Variants in MIPEP observed in about 807,000 individuals in gnomAD.
MIPEP encodes the protein mitochondrial intermediate peptidase.
Under a neutral mutation model 90.3 loss-of-function variants are expected in MIPEP, and 79 were observed. The ratio of observed to expected loss-of-function variants is 0.87; its 90% confidence interval spans 0.73 to 1.05. The LOEUF is 1.05. Ranked by LOEUF, MIPEP falls within the 50% of genes least tolerant of loss-of-function variation. MIPEP has a pLI of 0.00. For missense variants in MIPEP, 940 were observed against 905.6 expected, an observed-to-expected ratio of 1.04 and a Z score of -0.49; for synonymous variants, 334 against 315.8, an observed-to-expected ratio of 1.06 and a Z score of -0.61.
At chr13:23,883,183 C>T (rs767838125) in intron 2 of MIPEP, among the ~76,000 whole-genome samples, 2 of 151,670 alleles carry the variant, frequency 1.3e-5, no homozygotes, top group Non-Finnish European at 2.9e-5. Flanking sequence ...TTCTTTTATA[C>T]CCAGAGAACT....
chr13:23,754,942 C>G (rs1202883888), intron 18 of MIPEP, among the ~76,000 whole-genome samples: 1 of 152,238 alleles, frequency 6.6e-6, no homozygotes, highest in Non-Finnish European at 1.5e-5. Context: ...AGAGCTTGGT[C>G]TGCTTGCTGC....
chr13:23,837,715 A>T lies in MIPEP; in HGVS notation c.1380T>A (p.Asp460Glu). ...CTACAACTGGGAGTTGATAGTCTCC[A>T]TCTTCCTTTAGTCTGCCTCCACGGA... ...FTIRGGRLKE[D>E]GDYQLPVVVL... Residue 460 changes from aspartate to glutamate, a missense_variant, in exon 13 of 19, where the codon GAT becomes GAA. Physicochemically the swap from Asp to Glu is conservative, Grantham distance 45. Coordinates refer to ENST00000382172, the MANE Select transcript of MIPEP (RefSeq NM_005932.4). The T allele has an allele frequency of 6.2e-7, 1 of 1,614,126 alleles. No homozygotes were observed. The highest frequency in any genetic ancestry group is 8.5e-7 in the Non-Finnish European group (1 of 1,179,924).
At chr13:23,875,760 A>G (rs1593205867) in intron 4 of MIPEP, among the ~76,000 whole-genome samples, 3 of 152,174 alleles carry the variant, frequency 2.0e-5, no homozygotes, top group African/African-American at 7.2e-5. Flanking sequence ...AACATATGAA[A>G]CATTTAAAAT....
At chr13:23,863,033 A>G (rs549936219) in intron 8 of MIPEP, among the ~76,000 whole-genome samples, 3 of 152,346 alleles carry the variant, frequency 2.0e-5, no homozygotes, top group Admixed American at 2.0e-4. Context: ...AAAATTTTAG[A>G]ATTTATAAAC....
intron 16 of MIPEP, among the ~76,000 whole-genome samples, chr13:23,794,689 T>A (rs1422255871): frequency 6.6e-6 from 1 of 152,132 alleles, no homozygotes; most frequent in African/African-American, 2.4e-5. Context: ...GCATTATTCA[T>A]GAAAACCAAG....
At chr13:23,844,291 G>A (rs1299485364) in intron 10 of MIPEP, among the ~76,000 whole-genome samples, 2 of 152,112 alleles carry the variant, frequency 1.3e-5, no homozygotes, top group Non-Finnish European at 2.9e-5. Context: ...GGAAAGAGGG[G>A]AGAAAATAAA....
At position 23,799,000 on chromosome 13, in the gene MIPEP, G is replaced by GTTTT. The variant is rs765292524; in HGVS notation, c.1848+6946_1848+6949dup. On this transcript the variant is annotated intron_variant, in intron 16 of 18. Transcript: ENST00000382172. Reference sequence around the variant, plus strand: ...AGGGTAAATTAGAATAATTTTTTTGGTTTTTTTTTTTTTTTTTTTTTTTGA... The same window carrying GTTTT: ...AGGGTAAATTAGAATAATTTTTTTGGTTTTTTTTTTTTTTTTTTTTTTTTTTTGA... Among the ~76,000 whole-genome samples, 118 of 88,888 alleles carry GTTTT rather than the reference G, an allele frequency of 1.3e-3. 2 individuals are homozygous for GTTTT. Among genetic ancestry groups the GTTTT allele is most frequent in the Non-Finnish European group, 1.5e-3 (76 of 50,104 alleles). The allele number at this position is 88,888 out of a possible 152,430, so 58.3% of individuals were successfully genotyped here.
At chr13:23,746,421 G>A (rs1367503606) in intron 18 of MIPEP, among the ~76,000 whole-genome samples, 1 of 151,586 alleles carries the variant, frequency 6.6e-6, no homozygotes, top group African/African-American at 2.4e-5. Context: ...ATCACTTGAG[G>A]TCAGGAGTTG....
chr13:23,849,990 G>T (rs771842392), intron 10 of MIPEP, among the ~76,000 whole-genome samples: 4 of 152,216 alleles, frequency 2.6e-5, no homozygotes, highest in Non-Finnish European at 5.9e-5. Context: ...GGTAAACACA[G>T]CTTCAGTCTC....
At chr13:23,766,873 T>C (rs1020578288) in intron 16 of MIPEP, among the ~76,000 whole-genome samples, 5 of 152,240 alleles carry the variant, frequency 3.3e-5, no homozygotes, top group Non-Finnish European at 5.9e-5. Flanking sequence ...CAACTGAATA[T>C]GGCAGTGGTT....
intron 5 of MIPEP, among the ~76,000 whole-genome samples, chr13:23,874,327 T>C (rs1459295808): frequency 6.6e-6 from 1 of 152,170 alleles, no homozygotes; most frequent in African/African-American, 2.4e-5. Context: ...ACTGGCCATT[T>C]GTTAGTTAGG....
At position 23,767,869 on chromosome 13, in the gene MIPEP, C is replaced by T. The variant is rs567404294; in HGVS notation, c.1849-7652G>A. Among the ~76,000 whole-genome samples the T allele has an allele frequency of 1.6e-4, 24 of 152,240 alleles. No homozygotes were observed. The Middle Eastern group carries it at 0.014, about 86-fold the overall frequency. On this transcript the variant is annotated intron_variant, in intron 16 of 18. Coordinates refer to ENST00000382172, the MANE Select transcript of MIPEP (RefSeq NM_005932.4). ...TGGCAGAGATTAGTAAGTGTTCCTT[C>T]CTTCATTTTCCCCTTTTTCCTTTTA...
At chr13:23,758,031 A>G (rs1352878231) in intron 17 of MIPEP, among the ~76,000 whole-genome samples, 1 of 152,194 alleles carries the variant, frequency 6.6e-6, no homozygotes. Context: ...TGATAGCATT[A>G]CAGTATCAAA....
chr13:23,782,039 A>G (rs922321589), intron 16 of MIPEP, among the ~76,000 whole-genome samples: 6 of 152,230 alleles, frequency 3.9e-5, no homozygotes, highest in African/African-American at 1.4e-4. Context: ...AACATTAGAC[A>G]GATCAACAAG....
At chr13:23,853,858 G>A (rs1417599518) in intron 10 of MIPEP, among the ~76,000 whole-genome samples, 2 of 151,934 alleles carry the variant, frequency 1.3e-5, no homozygotes, top group Non-Finnish European at 2.9e-5. Context: ...GAGCCACTGT[G>A]CCCAGCCCAC....
chr13:23,874,931 G>A (rs1234423349), intron 4 of MIPEP, 22 bp from the exon 5 acceptor site: 1 of 1,554,802 alleles, frequency 6.4e-7, no homozygotes, highest in African/African-American at 1.4e-5. Context: ...ATGAGCCCCA[G>A]GTTATAACAG....
chr13:23,791,203 T>C (rs1158729697), intron 16 of MIPEP, among the ~76,000 whole-genome samples: 2 of 152,102 alleles, frequency 1.3e-5, no homozygotes, highest in Admixed American at 1.3e-4. Context: ...GACTATACTC[T>C]ACATTCACTT....
chr13:23,826,075 A>C (rs1868440818), intron 14 of MIPEP, among the ~76,000 whole-genome samples: 1 of 152,134 alleles, frequency 6.6e-6, no homozygotes, highest in Non-Finnish European at 1.5e-5. Flanking sequence ...GAAAAAAAAA[A>C]GATTTTAAAA....
At chr13:23,862,902 A>G (rs1470080105) in intron 8 of MIPEP, among the ~76,000 whole-genome samples, 2 of 152,252 alleles carry the variant, frequency 1.3e-5, no homozygotes, top group African/African-American at 2.4e-5. Context: ...ATCTATAGCT[A>G]TGTAGAGAAA....
Sources: gnomAD v4.1 joint callset for allele counts (sites outside exome capture counted in the v4.1 genomes callset) on GRCh38, gnomAD v4.1.1 for gene constraint, MANE v1.5 for transcripts, NCBI Gene and HGNC (gene_info 2026-07-23, HGNC 2026-07-21) for gene names.